The following RANBP2 variants were observed in gnomAD, a reference collection of about 807,000 sequenced individuals.
RANBP2 encodes the protein RAN binding protein 2.
A neutral mutation model predicts 303.6 loss-of-function variants in RANBP2; 57 were observed. The ratio of observed to expected loss-of-function variants is 0.19; its 90% CI spans 0.15 to 0.23. The LOEUF (loss-of-function observed/expected upper bound fraction) is 0.23, where lower values mean the gene tolerates loss of function less well. Among genes scored for constraint, RANBP2 ranks in the 10% least tolerant of loss-of-function variants. RANBP2 has a pLI of 1.00. For synonymous variants in RANBP2, 1,167 were observed against 1,301.5 expected (o/e 0.90, Z 2.23); for missense variants, 3,138 against 3,780.8 (o/e 0.83, Z 4.46).
At chr2:108,971,126 C>A in the RANBP2 span, among the ~76,000 whole-genome samples, 1 of 152,128 alleles carries the variant, frequency 6.6e-6, no homozygotes, top group Admixed American at 6.6e-5. Context: ...GTGCCTGGAC[C>A]ACATCCTGGG....
At chr2:109,435,046 T>C in the RANBP2 span, among the ~76,000 whole-genome samples, 1 of 152,170 alleles carries the variant, frequency 6.6e-6, no homozygotes, top group Non-Finnish European at 1.5e-5. Flanking sequence ...CCTCTTGGTC[T>C]GTGTTTTCCA....
At position 108,777,199 on chromosome 2, in the gene RANBP2, G is replaced by T; in HGVS notation, c.8567G>T (p.Ser2856Ile). The T allele has an allele frequency of 6.2e-7, 1 of 1,613,544 alleles. No individual in the cohort carries two copies. Among genetic ancestry groups the T allele is most frequent in the Non-Finnish European group, 8.5e-7 (1 of 1,179,602 alleles). ...CTCTCATTTGCAGACTTGGCTTCCAGTAATTCTGGAGATTTTGCTTTTGGT... is the reference window on the plus strand; with the variant it reads ...CTCTCATTTGCAGACTTGGCTTCCATTAATTCTGGAGATTTTGCTTTTGGT... Reference protein sequence around the residue: ...TGLSFADLASSNSGDFAFGSK... With the variant: ...TGLSFADLASINSGDFAFGSK... The change falls in exon 25 of 29, where the codon AGT becomes ATT. Residue 2856 changes from serine to isoleucine, a missense_variant. By Grantham distance (142) the Ser-to-Ile change is moderately radical. Coordinates refer to ENST00000283195, the MANE Select transcript of RANBP2 (RefSeq NM_006267.5).
At chr2:109,056,847 G>C in the RANBP2 span, among the ~76,000 whole-genome samples, 1 of 152,218 alleles carries the variant, frequency 6.6e-6, no homozygotes, top group Non-Finnish European at 1.5e-5. Flanking sequence ...TGTAGGAACA[G>C]TTGTACATGG....
At chr2:109,227,011 A>G in the RANBP2 span, among the ~76,000 whole-genome samples, 2 of 152,114 alleles carry the variant, frequency 1.3e-5, no homozygotes, top group Non-Finnish European at 2.9e-5. Context: ...GGTCCCACCA[A>G]GCTTTTCCAT....
chr2:109,181,093 T>C, the RANBP2 span, among the ~76,000 whole-genome samples: 1 of 152,220 alleles, frequency 6.6e-6, no homozygotes, highest in African/African-American at 2.4e-5. Flanking sequence ...AGCATGAGCA[T>C]GTGGAGGTGG....
chr2:109,402,432 G>A, the RANBP2 span, among the ~76,000 whole-genome samples: 1 of 152,252 alleles, frequency 6.6e-6, no homozygotes, highest in Admixed American at 6.5e-5. Flanking sequence ...ATTCAGCATT[G>A]CTGTGTCATG....
chr2:109,711,875 A>G, the RANBP2 span, among the ~76,000 whole-genome samples: 3 of 152,186 alleles, frequency 2.0e-5, no homozygotes, highest in South Asian at 6.2e-4. Flanking sequence ...ACTTCAGTGC[A>G]AGCTCTTAAT....
the RANBP2 span, among the ~76,000 whole-genome samples, chr2:109,378,657 C>T: frequency 1.3e-5 from 2 of 152,182 alleles, no homozygotes; most frequent in African/African-American, 4.8e-5. Context: ...TTTTGAGGCT[C>T]GCTTTGAGGC....
chr2:109,414,609 C>G, the RANBP2 span, among the ~76,000 whole-genome samples: 1 of 152,140 alleles, frequency 6.6e-6, no homozygotes, highest in African/African-American at 2.4e-5. Flanking sequence ...CCTCATAGAT[C>G]AGCTATACAT....
chr2:109,762,438 T>G, the RANBP2 span, among the ~76,000 whole-genome samples: 1 of 149,780 alleles, frequency 6.7e-6, no homozygotes, highest in Admixed American at 6.9e-5. Flanking sequence ...AAGGAAGAAC[T>G]TACTGTTTCG....
chr2:108,927,117 A>G, the RANBP2 span, among the ~76,000 whole-genome samples: 1 of 152,186 alleles, frequency 6.6e-6, no homozygotes, highest in East Asian at 1.9e-4. Flanking sequence ...CATGGAGCCA[A>G]CCTGGAAACT....
chr2:109,490,557 AT>A, the RANBP2 span: 1 of 1,358,056 alleles, frequency 7.4e-7, no homozygotes, highest in Non-Finnish European at 9.6e-7. Context: ...CAGCAAGGGC[AT>A]TGGGAAGCAT....
rs117417806 is a variant in RANBP2 at position 108,785,758 on chromosome 2, A to G, written c.*1857A>G. 3.9e-4 allele frequency: 60 copies of G among 152,336 alleles called. No homozygotes were observed. In the East Asian group the frequency reaches 0.011, roughly 29 times the overall value. The allele number at this position is 152,336 out of a possible 1,614,324, so 9.4% of individuals were successfully genotyped here. A position where few individuals can be genotyped will look rare whatever the true frequency, so the allele number is the denominator to read the frequency against. On this transcript the variant is annotated 3_prime_UTR_variant, in exon 29 of 29. Coordinates refer to ENST00000283195, the MANE Select transcript of RANBP2 (RefSeq NM_006267.5). ...TATCTTTCCTTTTAAACTGGATTTT[A>G]TGTTGTCTCATTAAAATCTGCTTAA...
chr2:109,532,145 G>T, the RANBP2 span, among the ~76,000 whole-genome samples: 1 of 152,218 alleles, frequency 6.6e-6, no homozygotes, highest in Non-Finnish European at 1.5e-5. Context: ...GAGAAGGCTT[G>T]GGAGGATGTA....
the RANBP2 span, among the ~76,000 whole-genome samples, chr2:109,680,075 A>G: frequency 4.0e-5 from 6 of 151,802 alleles, no homozygotes; most frequent in Admixed American, 3.9e-4. Context: ...GCCGGGTGTG[A>G]TGGCTCACAC....
At chr2:109,138,404 G>T in the RANBP2 span, among the ~76,000 whole-genome samples, 5 of 152,204 alleles carry the variant, frequency 3.3e-5, no homozygotes, top group African/African-American at 1.2e-4. Flanking sequence ...AAAACAAAAG[G>T]CTTGGGAGTT....
At chr2:109,766,712 G>GAAA in the RANBP2 span, among the ~76,000 whole-genome samples, 1 of 144,224 alleles carries the variant, frequency 6.9e-6, no homozygotes, top group African/African-American at 2.6e-5. Context: ...GGCAAATTAA[G>GAAA]AAAAAAAACC....
At chr2:108,946,412 T>C in the RANBP2 span, among the ~76,000 whole-genome samples, 2 of 152,312 alleles carry the variant, frequency 1.3e-5, no homozygotes, top group Non-Finnish European at 1.5e-5. Flanking sequence ...AGACAACCCC[T>C]TGGGGACTGG....
the RANBP2 span, among the ~76,000 whole-genome samples, chr2:109,244,343 C>A: frequency 3.3e-5 from 5 of 152,268 alleles, no homozygotes; most frequent in African/African-American, 1.2e-4. Flanking sequence ...AAAAGTGACA[C>A]AGAGCAGAAT....
Sources: gnomAD v4.1 joint callset for allele counts (sites outside exome capture counted in the v4.1 genomes callset) on GRCh38, gnomAD v4.1.1 for gene constraint, MANE v1.5 for transcripts, NCBI Gene and HGNC (gene_info 2026-07-23, HGNC 2026-07-21) for gene names.